Variants in CECR2 observed in about 807,000 individuals in gnomAD.
The protein encoded by CECR2 is CECR2 histone acetyl-lysine reader.
A neutral mutation model predicts 154.5 loss-of-function variants in CECR2; 30 were observed. The observed-to-expected ratio is 0.19, with a 90% CI of 0.15 to 0.26. The LOEUF (loss-of-function observed/expected upper bound fraction) is 0.26. Among genes scored for constraint, CECR2 ranks in the 10% least tolerant of loss-of-function variants. The pLI is 1.00. For synonymous variants in CECR2, 725 were observed against 683.7 expected (o/e 1.06, Z -0.94); for missense variants, 1,743 against 1,829.3 (o/e 0.95, Z 0.86).
chr22:17,438,210 CAG>C (rs1203093340), intron 1 of CECR2, among the ~76,000 whole-genome samples: 1 of 152,176 alleles, frequency 6.6e-6, no homozygotes, highest in East Asian at 1.9e-4. Flanking sequence ...GCGTTACAAA[CAG>C]AACATTTCAA....
intron 1 of CECR2, among the ~76,000 whole-genome samples, chr22:17,364,342 C>CAAAAAAAA (rs59134897): frequency 0.011 from 559 of 52,860 alleles, 53 homozygotes; most frequent in South Asian, 0.028. Flanking sequence ...GACTCTGTCT[C>CAAAAAAAA]AAAAAAAAAA....
In CECR2 at chr22:17,556,557, G is replaced by C. The variant is rs753908657; in HGVS notation, c.*3717G>C. On this transcript the variant is annotated 3_prime_UTR_variant, in exon 19 of 19. Coordinates refer to ENST00000262608, the MANE Select transcript of CECR2 (RefSeq NM_001290047.2). ...ACAAGTTTGCAATCCATACTTCTTG[G>C]TTCAATTTTTTTTTTTAATGGACAT... 6.6e-6 allele frequency: 1 copy of C among 151,804 alleles called. No individual in the cohort carries two copies. Among genetic ancestry groups the C allele is most frequent in the African/African-American group, 2.4e-5 (1 of 41,278 alleles). 9.4% of individuals were successfully genotyped at this position (151,804 alleles called of 1,614,324 possible).
upstream of CECR2, among the ~76,000 whole-genome samples, chr22:17,367,832 C>T (rs1347145670): frequency 6.6e-6 from 1 of 152,236 alleles, no homozygotes; most frequent in Non-Finnish European, 1.5e-5. Flanking sequence ...TAATGCAATA[C>T]TCACGGGGTA....
At chr22:17,373,343 G>A (rs945326995) in intron 1 of CECR2, among the ~76,000 whole-genome samples, 1 of 152,098 alleles carries the variant, frequency 6.6e-6, no homozygotes, top group Non-Finnish European at 1.5e-5. Context: ...AACCTGCCAA[G>A]TATATAATAG....
chr22:17,433,371 G>A (rs2054455765), intron 1 of CECR2, among the ~76,000 whole-genome samples: 1 of 152,188 alleles, frequency 6.6e-6, no homozygotes, highest in Admixed American at 6.5e-5. Context: ...CTCAAACCAT[G>A]TGTTGATTTG....
chr22:17,371,236 G>C (rs2063056912), intron 1 of CECR2, among the ~76,000 whole-genome samples: 1 of 152,132 alleles, frequency 6.6e-6, no homozygotes, highest in African/African-American at 2.4e-5. Flanking sequence ...AGATCAAAAG[G>C]GTTGGGGATG....
At position 17,539,019 on chromosome 22, in the gene CECR2, G is replaced by A. The variant is rs1373627454; in HGVS notation, c.1395G>A (p.Glu465=). 1.2e-6 allele frequency: 2 copies of A among 1,613,826 alleles called. No individual in the cohort carries two copies. Among genetic ancestry groups the A allele is most frequent in the African/African-American group, 2.7e-5 (2 of 75,062 alleles). ...CCCCCATGGATATTTCCAGCATGGA[G>A]AAGAAACTGAATGGAGGTTTATACT... is the stretch of plus-strand genomic sequence containing the variant. ...IKAPMDISSM[E]KKLNGGLYCT... Residue 465 remains glutamate, a synonymous_variant, in exon 13 of 19, where the codon GAG becomes GAA. Transcript: ENST00000262608.
chr22:17,432,566 A>G (rs151184137), intron 1 of CECR2, among the ~76,000 whole-genome samples: 30 of 152,330 alleles, frequency 2.0e-4, no homozygotes, highest in Middle Eastern at 3.4e-3. Context: ...AAGTCACTGC[A>G]TTACTTTACA....
At chr22:17,403,144 T>C (rs963183842) in intron 1 of CECR2, among the ~76,000 whole-genome samples, 1 of 152,252 alleles carries the variant, frequency 6.6e-6, no homozygotes, top group East Asian at 1.9e-4. Context: ...CGTGGACTCA[T>C]TGATACTTAT....
chr22:17,485,177 T>G (rs979983654), intron 2 of CECR2, among the ~76,000 whole-genome samples: 1 of 152,088 alleles, frequency 6.6e-6, no homozygotes, highest in Non-Finnish European at 1.5e-5. Context: ...TAATAGAAAG[T>G]CCTCTCCCAT....
chr22:17,435,023 G>T (rs141967310), intron 1 of CECR2, among the ~76,000 whole-genome samples: 191 of 152,260 alleles, frequency 1.3e-3, no homozygotes, highest in African/African-American at 4.5e-3. Context: ...TAACTTAATG[G>T]AGGGGATGGG....
chr22:17,368,569 C>T (rs1041483437), upstream of CECR2, among the ~76,000 whole-genome samples: 12 of 152,202 alleles, frequency 7.9e-5, no homozygotes, highest in East Asian at 3.9e-4. Context: ...CACACTCCAA[C>T]ACCCTTCGGC....
chr22:17,438,807 A>G (rs1352628750), intron 1 of CECR2, among the ~76,000 whole-genome samples: 1 of 152,134 alleles, frequency 6.6e-6, no homozygotes, highest in Non-Finnish European at 1.5e-5. Flanking sequence ...GTTATTTCTT[A>G]TTGATTTTTC....
intron 1 of CECR2, among the ~76,000 whole-genome samples, chr22:17,404,269 A>AC (rs1364199556): frequency 1.2e-4 from 4 of 32,654 alleles, no homozygotes; most frequent in Non-Finnish European, 1.8e-4. Context: ...CATCCCCCCG[A>AC]CCCCCCTGCC....
At chr22:17,393,604 A>G (rs2146512199) in intron 1 of CECR2, among the ~76,000 whole-genome samples, 1 of 152,300 alleles carries the variant, frequency 6.6e-6, no homozygotes, top group South Asian at 2.1e-4. Context: ...GAGTGGCAGC[A>G]CTATTTTATG....
intron 2 of CECR2, among the ~76,000 whole-genome samples, chr22:17,483,476 G>A (rs1327671126): frequency 1.3e-5 from 2 of 152,144 alleles, no homozygotes; most frequent in African/African-American, 2.4e-5. Context: ...ATAATTATCT[G>A]GACATGGTGG....
intron 1 of CECR2, among the ~76,000 whole-genome samples, chr22:17,456,705 C>CA (rs2054859603): frequency 1.3e-5 from 2 of 152,290 alleles, no homozygotes; most frequent in Middle Eastern, 6.8e-3. Flanking sequence ...TATATAAGGA[C>CA]AACCAGCTTG....
intron 9 of CECR2, among the ~76,000 whole-genome samples, chr22:17,530,602 G>A (rs1458733157): frequency 1.4e-4 from 21 of 152,012 alleles, no homozygotes; most frequent in African/African-American, 3.6e-4. Flanking sequence ...GCTTGAATTC[G>A]GGAGGCAGAG....
chr22:17,536,248 CAAAAAT>C (rs2056435520), intron 9 of CECR2, among the ~76,000 whole-genome samples: 1 of 152,100 alleles, frequency 6.6e-6, no homozygotes, highest in African/African-American at 2.4e-5. Flanking sequence ...AACTCCGTCT[CAAAAAT>C]AAAAATAAAA....
Sources: allele counts gnomAD v4.1 joint callset (sites outside exome capture counted in the v4.1 genomes callset), GRCh38; gene constraint gnomAD v4.1.1; transcripts MANE v1.5; gene names NCBI Gene and HGNC (gene_info 2026-07-23, HGNC 2026-07-21).